The following FGF18 variants were observed in gnomAD, a reference collection of about 807,000 sequenced individuals.
FGF18 encodes the protein fibroblast growth factor 18.
In FGF18, 5 loss-of-function variants were observed where a neutral mutation model predicts 23.0. That is an observed-to-expected ratio of 0.22 (90% CI 0.11 to 0.46). The LOEUF (loss-of-function observed/expected upper bound fraction) is 0.46, where lower values mean the gene tolerates loss of function less well. Among genes scored for constraint, FGF18 ranks in the 20% least tolerant of loss-of-function variants. FGF18 has a pLI of 0.99. For synonymous variants in FGF18, 117 were observed against 118.9 expected (o/e 0.98, Z 0.10); for missense variants, 180 against 291.6 (o/e 0.62, Z 2.79).
chr5:171,455,804 G>A (rs1331848741), intron 4 of FGF18, among the ~76,000 whole-genome samples: 1 of 152,208 alleles, frequency 6.6e-6, no homozygotes, highest in African/African-American at 2.4e-5. Context: ...GAAGCCACAG[G>A]GAAAATAGTG....
chr5:171,424,112 C>T (rs1001491375), intron 2 of FGF18, among the ~76,000 whole-genome samples: 1 of 152,150 alleles, frequency 6.6e-6, no homozygotes, highest in Admixed American at 6.5e-5. Context: ...GTCAGGTATT[C>T]ATTCAGCACA....
intron 3 of FGF18, among the ~76,000 whole-genome samples, chr5:171,438,105 T>C (rs978150411): frequency 4.0e-5 from 6 of 150,324 alleles, no homozygotes; most frequent in African/African-American, 9.7e-5. Flanking sequence ...TTTTCTTTTT[T>C]TTTTTTTTTT....
rs1487138082 is a variant in FGF18 at position 171,456,623 on chromosome 5, G to A, written c.442G>A (p.Gly148Ser). 3 of 1,614,086 alleles carry A rather than the reference G, an allele frequency of 1.9e-6. No individual in the cohort carries two copies. The highest frequency in any genetic ancestry group is 2.5e-6 in the Non-Finnish European group (3 of 1,180,020). ...GGCCCTGATGTCGGCTAAGTACTCCGGCTGGTACGTGGGCTTCACCAAGAA... is the reference window on the plus strand; with the variant it reads ...GGCCCTGATGTCGGCTAAGTACTCCAGCTGGTACGTGGGCTTCACCAAGAA... The part of the protein sequence containing the change: ...YTALMSAKYS[G>S]WYVGFTKKGR... The change falls in exon 5 of 5, where the codon GGC (glycine) becomes AGC (serine). Residue 148 changes from glycine (G) to serine (S), a missense_variant. Gly to Ser is a moderately conservative substitution (Grantham distance 56). Coordinates refer to ENST00000274625, the MANE Select transcript of FGF18 (RefSeq NM_003862.3). The surrounding 1 kb of genome is among the most constrained non-coding windows in gnomAD (Gnocchi z 6.1).
Position 171,456,632 on chromosome 5 carries a change from G to A in FGF18, c.451G>A (p.Val151Met), listed in dbSNP as rs770760501. The A allele has an allele frequency of 3.7e-6, 6 of 1,613,986 alleles. No homozygotes were observed. Among genetic ancestry groups the A allele is most frequent in the South Asian group, 2.2e-5 (2 of 91,068 alleles). ...LMSAKYSGWY[V>M]GFTKKGRPRK... ...GTCGGCTAAGTACTCCGGCTGGTAC[G>A]TGGGCTTCACCAAGAAGGGGCGGCC... Residue 151 changes from valine to methionine, a missense_variant, in exon 5 of 5, where the codon GTG (valine) becomes ATG (methionine). Physicochemically the swap from Val to Met is conservative, Grantham distance 21. Around this residue, in one of 3 missense-constraint regions of FGF18, gnomAD observed 83 missense variants for 190.4 expected, o/e 0.44. Coordinates refer to ENST00000274625, the MANE Select transcript of FGF18 (RefSeq NM_003862.3). This position sits in a 1 kb window ranked among gnomAD's most constrained non-coding sequence, Gnocchi z 6.1.
At chr5:171,453,006 G>C (rs1164572396) in intron 4 of FGF18, among the ~76,000 whole-genome samples, 1 of 152,188 alleles carries the variant, frequency 6.6e-6, no homozygotes. Flanking sequence ...GGAAGCAAGA[G>C]GTTGGAGGTG....
chr5:171,420,043 C>G lies in FGF18; in HGVS notation c.-157C>G, dbSNP rs1338111820. ...GCCGCAGGGCGCGCCGCGGAGCGCC[C>G]CGGAGCAGCAGAGTCTGCAGCAGCA... is the stretch of plus-strand genomic sequence containing the variant. On this transcript the variant is annotated 5_prime_UTR_variant, in exon 1 of 5. Coordinates refer to ENST00000274625, the MANE Select transcript of FGF18 (RefSeq NM_003862.3). 8.9e-6 allele frequency: 4 copies of G among 451,256 alleles called. No individual in the cohort carries two copies. Among genetic ancestry groups the G allele is most frequent in the Non-Finnish European group, 3.4e-6 (1 of 296,802 alleles). 28.0% of individuals were successfully genotyped at this position (451,256 alleles called of 1,614,324 possible).
intron 2 of FGF18, among the ~76,000 whole-genome samples, chr5:171,435,837 G>A (rs1054381343): frequency 2.0e-5 from 3 of 152,128 alleles, no homozygotes; most frequent in Admixed American, 6.5e-5. Flanking sequence ...CTTTGTTGTC[G>A]CATAGACCTA....
chr5:171,449,277 G>A (rs200833479), intron 4 of FGF18, 24 bp downstream of exon 4: 17 of 1,562,432 alleles, frequency 1.1e-5, no homozygotes, highest in Non-Finnish European at 1.4e-5. Context: ...TGGGATTCCC[G>A]GGAACTTCGG....
At chr5:171,443,323 G>T (rs1000418964) in intron 3 of FGF18, among the ~76,000 whole-genome samples, 1 of 151,954 alleles carries the variant, frequency 6.6e-6, no homozygotes, top group Non-Finnish European at 1.5e-5. Context: ...TAGAGACAGG[G>T]TTTCACCACG....
At chr5:171,427,033 AC>A (rs1460723276) in intron 2 of FGF18, among the ~76,000 whole-genome samples, 3 of 151,836 alleles carry the variant, frequency 2.0e-5, no homozygotes, top group Non-Finnish European at 2.9e-5. Context: ...ACATGGTGAA[AC>A]CCCGCCCCTA....
chr5:171,446,734 C>G (rs202005554), intron 3 of FGF18, among the ~76,000 whole-genome samples: 1 of 152,162 alleles, frequency 6.6e-6, no homozygotes, highest in Non-Finnish European at 1.5e-5. Context: ...AGCCCCTCCC[C>G]CTTGCACAGG....
chr5:171,425,006 T>C (rs938809775), intron 2 of FGF18, among the ~76,000 whole-genome samples: 2 of 152,224 alleles, frequency 1.3e-5, no homozygotes, highest in Admixed American at 1.3e-4. Context: ...CGGTCACAGA[T>C]GCAGCCTCCA....
intron 2 of FGF18, among the ~76,000 whole-genome samples, chr5:171,430,589 C>A (rs1442172253): frequency 7.0e-6 from 1 of 142,710 alleles, no homozygotes. Context: ...GAGATCGAGA[C>A]CATCCTGGCT....
intron 3 of FGF18, among the ~76,000 whole-genome samples, chr5:171,437,493 T>A (rs1772266968): frequency 6.6e-6 from 1 of 151,998 alleles, no homozygotes; most frequent in Non-Finnish European, 1.5e-5. Flanking sequence ...TCCGTTCCCC[T>A]CCCACTCTCT....
Position 171,456,405 on chromosome 5 carries a change from C to A in FGF18, c.358-134C>A. 1 of 818,788 alleles carries A rather than the reference C, an allele frequency of 1.2e-6. No individual in the cohort carries two copies. Among genetic ancestry groups the A allele is most frequent in the Non-Finnish European group, 1.9e-6 (1 of 524,434 alleles). The allele number at this position is 818,788 out of a possible 1,614,324, so 50.7% of individuals were successfully genotyped here. A position where few individuals can be genotyped will look rare whatever the true frequency, so the allele number is the denominator to read the frequency against. Reference sequence around the variant, plus strand: ...ATTCAGAGTTAAGCTCAATCTCTCTCCCCCACTGCAAAACTTCATTACAGT... The same window carrying A: ...ATTCAGAGTTAAGCTCAATCTCTCTACCCCACTGCAAAACTTCATTACAGT... On this transcript the variant is annotated intron_variant, in intron 4 of 4. Coordinates refer to ENST00000274625, the MANE Select transcript of FGF18 (RefSeq NM_003862.3). This position sits in a 1 kb window ranked among gnomAD's most constrained non-coding sequence, Gnocchi z 6.1.
At chr5:171,454,445 C>G (rs549115812) in intron 4 of FGF18, among the ~76,000 whole-genome samples, 10 of 152,220 alleles carry the variant, frequency 6.6e-5, no homozygotes, top group Non-Finnish European at 1.5e-4. Flanking sequence ...TGCACACTTA[C>G]CCTGGCTTTC....
chr5:171,449,387 G>GTGTGTA (rs1772461787), intron 4 of FGF18, 134 bp downstream of exon 4: 1 of 510,792 alleles, frequency 2.0e-6, no homozygotes, highest in Non-Finnish European at 3.7e-6. Context: ...GTGTGTGTGT[G>GTGTGTA]TGTGTGTGTG....
In FGF18 at chr5:171,420,440, A is replaced by G; in HGVS notation, c.66A>G (p.Val22=). 6.8e-6 allele frequency: 11 copies of G among 1,613,276 alleles called. No individual in the cohort carries two copies. Among genetic ancestry groups the G allele is most frequent in the South Asian group, 1.1e-5 (1 of 90,960 alleles). Residue 22 remains valine (V), a synonymous_variant, in exon 2 of 5, where the codon GTA becomes GTG. Coordinates refer to ENST00000274625, the MANE Select transcript of FGF18 (RefSeq NM_003862.3). ...ACTTCCTGCTGCTGTGCTTCCAGGT[A>G]CAGGTACGTGGGCTCCTGACTTTGA... The part of the protein sequence containing the change: ...CLHFLLLCFQ[V]QVLVAEENVD...
intron 3 of FGF18, among the ~76,000 whole-genome samples, chr5:171,437,603 A>G (rs1196654121): frequency 1.3e-5 from 2 of 151,136 alleles, no homozygotes; most frequent in Admixed American, 6.6e-5. Context: ...CCTTCGGACC[A>G]CAGCTTCCCT....
Sources: allele counts gnomAD v4.1 joint callset (sites outside exome capture counted in the v4.1 genomes callset), GRCh38; gene constraint gnomAD v4.1.1; regional missense constraint gnomAD v4.1.1; non-coding constraint Gnocchi (gnomAD v3.1); transcripts MANE v1.5; gene names NCBI Gene and HGNC (gene_info 2026-07-23, HGNC 2026-07-21).